Variants in SUPT3H observed in about 807,000 individuals in gnomAD.
The protein encoded by SUPT3H is transcription initiation protein SPT3 homolog.
SUPT3H carries 44 observed loss-of-function variants against 44.3 expected under a neutral mutation model. The observed-to-expected ratio is 0.99, with a 90% confidence interval of 0.78 to 1.28. SUPT3H has a LOEUF of 1.28. Ranked by LOEUF, SUPT3H falls within the 50% of genes most tolerant of loss-of-function variation. The pLI is 0.00. For missense variants in SUPT3H, 380 were observed against 387.1 expected, an observed-to-expected ratio of 0.98 and a Z score of 0.15; for synonymous variants, 124 against 125.6, an observed-to-expected ratio of 0.99 and a Z score of 0.09.
chr6:45,354,584 G>A (rs1199492119), intron 2 of SUPT3H, among the ~76,000 whole-genome samples: 1 of 151,436 alleles, frequency 6.6e-6, no homozygotes, highest in East Asian at 1.9e-4. Context: ...TGCATTTAAG[G>A]CTTCCTGATT....
At chr6:44,982,361 C>T (rs754820832) in intron 6 of SUPT3H, among the ~76,000 whole-genome samples, 4 of 152,076 alleles carry the variant, frequency 2.6e-5, no homozygotes, top group Non-Finnish European at 4.4e-5. Context: ...GTAGCTGGGA[C>T]TACAAGTGCC....
intron 9 of SUPT3H, among the ~76,000 whole-genome samples, chr6:44,946,151 A>G (rs1773306650): frequency 6.6e-6 from 1 of 152,156 alleles, no homozygotes; most frequent in Non-Finnish European, 1.5e-5. Context: ...CAGTGTTGAG[A>G]CCTACTATTC....
At position 45,090,310 on chromosome 6, in the gene SUPT3H, CTT is replaced by C. The variant is rs558561600; in HGVS notation, c.186+15610_186+15611del. On this transcript the variant is annotated intron_variant, in intron 3 of 10. Transcript: ENST00000371459. ...GATAATTTATTAATTACCATTCTCT[CTT>C]TTGGAGAACAGCCATTAGGTCTTTA... 1.9e-4 allele frequency among the ~76,000 whole-genome samples: 29 copies of C among 152,164 alleles called. No individual in the cohort carries two copies. In the South Asian group the frequency reaches 6.0e-3, roughly 32 times the overall value.
chr6:45,377,487 C>A, intron 1 of SUPT3H: 1 of 152,392 alleles, frequency 6.6e-6, no homozygotes, highest in Non-Finnish European at 1.5e-5. Context: ...GCCCAGCCCC[C>A]CTCACCCCAC....
Position 44,867,403 on chromosome 6 carries a change from CT to C in SUPT3H, c.913-37547del, listed in dbSNP as rs1561919188. Among the ~76,000 whole-genome samples the C allele has an allele frequency of 3.3e-5, 5 of 150,080 alleles. No homozygotes were observed. In the South Asian group the frequency reaches 1.0e-3, roughly 31 times the overall value. On this transcript the variant is annotated intron_variant, in intron 10 of 10. Coordinates refer to ENST00000371459, the MANE Select transcript of SUPT3H (RefSeq NM_003599.4). ...TGATCCTCCCGCCTCGGCCTCCCAC[CT>C]TTTTTAATAAAATTCATGTCACAAT...
In SUPT3H at chr6:45,222,071, T is replaced by G. The variant is rs180961363; in HGVS notation, c.102-116065A>C. On this transcript the variant is annotated intron_variant, in intron 2 of 10. Transcript: ENST00000371459. Reference sequence around the variant, plus strand: ...AAATAGTGATGGAGCATTTGGACATTCATAGGCAAAAAAATAAACTTCCAC... The same window carrying G: ...AAATAGTGATGGAGCATTTGGACATGCATAGGCAAAAAAATAAACTTCCAC... 9.3e-4 allele frequency among the ~76,000 whole-genome samples: 141 copies of G among 152,036 alleles called. No homozygotes were observed. The Middle Eastern group carries it at 0.031, about 33-fold the overall frequency.
At chr6:45,257,705 AAG>A (rs1773645979) in intron 2 of SUPT3H, among the ~76,000 whole-genome samples, 1 of 152,120 alleles carries the variant, frequency 6.6e-6, no homozygotes, top group Admixed American at 6.6e-5. Context: ...GTGAAAGGGC[AAG>A]AGAGAACAAG....
At chr6:44,903,790 C>T (rs546596720) in intron 10 of SUPT3H, among the ~76,000 whole-genome samples, 1 of 152,172 alleles carries the variant, frequency 6.6e-6, no homozygotes, top group East Asian at 1.9e-4. Context: ...CAATAAAATA[C>T]TGGCAAACCG....
At chr6:45,214,015 C>CAAATAAAAA (rs1764575081) in intron 2 of SUPT3H, among the ~76,000 whole-genome samples, 1 of 74,120 alleles carries the variant, frequency 1.3e-5, no homozygotes, top group Non-Finnish European at 2.4e-5. Context: ...TTTTGAAATG[C>CAAATAAAAA]AAAAAAAAAA....
intron 2 of SUPT3H, among the ~76,000 whole-genome samples, chr6:45,166,241 G>A (rs540535321): frequency 9.2e-5 from 14 of 152,046 alleles, no homozygotes; most frequent in Non-Finnish European, 1.5e-4. Context: ...TGCAGTGAGC[G>A]TGATTGCACT....
intron 4 of SUPT3H, among the ~76,000 whole-genome samples, chr6:45,019,000 T>C (rs1784720116): frequency 6.6e-6 from 1 of 152,218 alleles, no homozygotes; most frequent in Non-Finnish European, 1.5e-5. Context: ...GTTGGTAAGC[T>C]ATTGATTATT....
intron 3 of SUPT3H, among the ~76,000 whole-genome samples, chr6:45,051,983 C>G (rs1790369181): frequency 1.3e-5 from 2 of 152,032 alleles, no homozygotes; most frequent in South Asian, 4.1e-4. Context: ...GTCCAGGATA[C>G]TAGAAGGATC....
chr6:45,045,988 A>T (rs1789335768), intron 3 of SUPT3H, among the ~76,000 whole-genome samples: 1 of 152,126 alleles, frequency 6.6e-6, no homozygotes, highest in Admixed American at 6.5e-5. Flanking sequence ...AAGTCTGTCT[A>T]ACTGAGGTCA....
chr6:45,140,840 C>T (rs890471431), intron 2 of SUPT3H, among the ~76,000 whole-genome samples: 1 of 152,090 alleles, frequency 6.6e-6, no homozygotes, highest in Non-Finnish European at 1.5e-5. Flanking sequence ...AAGCCCCATT[C>T]CTAGGAAAAA....
chr6:44,936,827 T>A (rs779981163), intron 9 of SUPT3H, among the ~76,000 whole-genome samples: 2 of 152,032 alleles, frequency 1.3e-5, no homozygotes, highest in African/African-American at 2.4e-5. Context: ...CTACCGCACC[T>A]GGCTTATTTT....
chr6:45,271,708 GAGA>G (rs59588432), intron 2 of SUPT3H, among the ~76,000 whole-genome samples: 25,880 of 152,026 alleles, frequency 0.17, 3,272 homozygotes, highest in African/African-American at 0.36. Context: ...GTGGAGCTGT[GAGA>G]AGAGGGCCAC....
intron 2 of SUPT3H, among the ~76,000 whole-genome samples, chr6:45,300,868 C>T (rs1239176503): frequency 6.6e-6 from 1 of 151,862 alleles, no homozygotes; most frequent in Non-Finnish European, 1.5e-5. Flanking sequence ...TGAGGAACTG[C>T]TCTTAGTAAA....
intron 2 of SUPT3H, among the ~76,000 whole-genome samples, chr6:45,312,817 C>T (rs1175672897): frequency 6.6e-6 from 1 of 151,980 alleles, no homozygotes; most frequent in East Asian, 1.9e-4. Flanking sequence ...AACATTTCAT[C>T]CAACAACTGC....
At chr6:45,199,080 C>A (rs1187317915) in intron 2 of SUPT3H, among the ~76,000 whole-genome samples, 1 of 151,202 alleles carries the variant, frequency 6.6e-6, no homozygotes, top group Non-Finnish European at 1.5e-5. Flanking sequence ...TTTAAAGACA[C>A]AACATCTTTA....
Sources: allele counts gnomAD v4.1 joint callset (sites outside exome capture counted in the v4.1 genomes callset), GRCh38; gene constraint gnomAD v4.1.1; transcripts MANE v1.5; gene names NCBI Gene and HGNC (gene_info 2026-07-23, HGNC 2026-07-21).